Variants in CSMD1 observed in about 807,000 individuals in gnomAD.
CSMD1 encodes CUB and sushi domain-containing protein 1.
Under a neutral mutation model 417.5 loss-of-function variants are expected in CSMD1, and 213 were observed. That is an observed-to-expected ratio of 0.51 (90% CI 0.46 to 0.57). The LOEUF is 0.57. Among genes scored for constraint, CSMD1 ranks in the 20% least tolerant of loss-of-function variants. The pLI is 0.00. For synonymous variants in CSMD1, 2,862 were observed against 1,736.8 expected, an observed-to-expected ratio of 1.65 and a Z score of -16.11; for missense variants, 6,923 against 4,529.7, an observed-to-expected ratio of 1.53 and a Z score of -15.17.
intron 5 of CSMD1, among the ~76,000 whole-genome samples, chr8:3,808,546 G>T (rs1165432972): frequency 6.6e-6 from 1 of 152,196 alleles, no homozygotes; most frequent in African/African-American, 2.4e-5. Flanking sequence ...TGCAAAGTCT[G>T]TCTCTCTTTA....
intron 1 of CSMD1, among the ~76,000 whole-genome samples, chr8:4,948,487 A>G (rs1318304975): frequency 6.6e-6 from 1 of 151,944 alleles, no homozygotes; most frequent in Non-Finnish European, 1.5e-5. Flanking sequence ...GCATTTATTT[A>G]GATTGCATAA....
At chr8:3,131,965 G>T (rs1411934965) in intron 41 of CSMD1, among the ~76,000 whole-genome samples, 1 of 152,016 alleles carries the variant, frequency 6.6e-6, no homozygotes, top group Non-Finnish European at 1.5e-5. Flanking sequence ...TCTTAACAGG[G>T]GATGCAAATT....
chr8:3,357,457 C>G (rs1467198661), intron 21 of CSMD1, among the ~76,000 whole-genome samples: 1 of 152,230 alleles, frequency 6.6e-6, no homozygotes, highest in Non-Finnish European at 1.5e-5. Context: ...AGTGCCTAGT[C>G]TACCACACAC....
intron 49 of CSMD1, among the ~76,000 whole-genome samples, chr8:3,054,454 C>T (rs377607559): frequency 2.0e-5 from 3 of 152,132 alleles, no homozygotes; most frequent in Admixed American, 2.0e-4. Flanking sequence ...CCTGTCTCTA[C>T]CAAAAATACA....
chr8:3,609,342 G>C (rs79449002), intron 8 of CSMD1, among the ~76,000 whole-genome samples: 2,739 of 152,194 alleles, frequency 0.018, 79 homozygotes, highest in African/African-American at 0.062. Flanking sequence ...CAATCTTACT[G>C]ATAAATATTC....
chr8:4,982,827 G>A (rs1009201085), intron 1 of CSMD1, among the ~76,000 whole-genome samples: 7 of 152,132 alleles, frequency 4.6e-5, no homozygotes, highest in Non-Finnish European at 7.3e-5. Flanking sequence ...ACACCCTGAC[G>A]ACATGCCCCT....
At chr8:3,566,258 G>A (rs1799703532) in intron 10 of CSMD1, among the ~76,000 whole-genome samples, 1 of 152,084 alleles carries the variant, frequency 6.6e-6, no homozygotes. Context: ...AGGAGGAAGA[G>A]TTGAAGAAAA....
rs145477049 is a variant in CSMD1, at chr8:3,901,960, G to C, written c.818+95943C>G. Among the ~76,000 whole-genome samples the C allele has an allele frequency of 3.3e-3, 504 of 152,310 alleles. 1 individual carries two copies. Among genetic ancestry groups the C allele is most frequent in the Middle Eastern group, 0.014 (4 of 294 alleles). ...GACCAGACATGTATTTCAGTGCTTA[G>C]TATTGGCTTTAAATGGCTGTTTCTC... is the stretch of plus-strand genomic sequence containing the variant. On this transcript the variant is annotated intron_variant, in intron 5 of 69. Coordinates refer to ENST00000635120, the MANE Select transcript of CSMD1 (RefSeq NM_033225.6).
intron 50 of CSMD1, among the ~76,000 whole-genome samples, chr8:3,036,908 T>C (rs6983771): frequency 6.6e-6 from 1 of 152,034 alleles, no homozygotes; most frequent in Admixed American, 6.6e-5. Flanking sequence ...GGGATTTCAG[T>C]GCACCTGTCA....
intron 3 of CSMD1, among the ~76,000 whole-genome samples, chr8:4,140,816 C>T (rs898262551): frequency 2.6e-5 from 4 of 150,970 alleles, no homozygotes; most frequent in African/African-American, 7.4e-5. Flanking sequence ...TGTAAATGGG[C>T]TCAGCACCCT....
chr8:4,514,207 G>C (rs773582207), intron 2 of CSMD1, among the ~76,000 whole-genome samples: 1 of 152,266 alleles, frequency 6.6e-6, no homozygotes, highest in African/African-American at 2.4e-5. Context: ...TCATAAGGCA[G>C]AGTAGGGGAT....
chr8:3,440,774 T>TTTTTG (rs1206185860), intron 12 of CSMD1, among the ~76,000 whole-genome samples: 1 of 152,162 alleles, frequency 6.6e-6, no homozygotes, highest in Non-Finnish European at 1.5e-5. Context: ...TCTAAGTGTT[T>TTTTTG]TTTTGTTTTG....
intron 21 of CSMD1, among the ~76,000 whole-genome samples, chr8:3,349,839 CTAGATA>C (rs1808279629): frequency 1.5e-5 from 2 of 137,818 alleles, no homozygotes; most frequent in Non-Finnish European, 3.1e-5. Flanking sequence ...TATAATATAT[CTAGATA>C]TAAATATATA....
chr8:3,036,265 G>A (rs141317824), intron 50 of CSMD1, among the ~76,000 whole-genome samples: 12 of 152,314 alleles, frequency 7.9e-5, no homozygotes, highest in Non-Finnish European at 1.6e-4. Context: ...CAAGGGAAGT[G>A]AGATTACCAT....
chr8:3,963,075 T>C (rs1812436147), intron 5 of CSMD1, among the ~76,000 whole-genome samples: 1 of 152,012 alleles, frequency 6.6e-6, no homozygotes, highest in African/African-American at 2.4e-5. Flanking sequence ...AGATTACAGG[T>C]ATGCACAACC....
At chr8:3,801,545 G>T (rs760121223) in intron 5 of CSMD1, among the ~76,000 whole-genome samples, 12 of 152,060 alleles carry the variant, frequency 7.9e-5, no homozygotes, top group African/African-American at 1.2e-4. Context: ...TTAGAGATAT[G>T]CTGGAAGACA....
chr8:3,003,766 G>C (rs1345508345), intron 52 of CSMD1, among the ~76,000 whole-genome samples: 1 of 152,172 alleles, frequency 6.6e-6, no homozygotes, highest in African/African-American at 2.4e-5. Flanking sequence ...CTGAGGACCA[G>C]GACTCCTGGT....
chr8:2,958,795 T>G (rs563324370), intron 62 of CSMD1, among the ~76,000 whole-genome samples: 2 of 152,368 alleles, frequency 1.3e-5, no homozygotes, highest in East Asian at 3.9e-4. Flanking sequence ...TCTTGTTTCT[T>G]GCTCTGAGAA....
At chr8:4,665,475 C>T (rs1245668452) in intron 1 of CSMD1, among the ~76,000 whole-genome samples, 2 of 152,170 alleles carry the variant, frequency 1.3e-5, no homozygotes, top group Admixed American at 6.6e-5. Flanking sequence ...CACAAGCATT[C>T]CCAGCACACT....
Sources: gnomAD v4.1 joint callset for allele counts (sites outside exome capture counted in the v4.1 genomes callset) on GRCh38, gnomAD v4.1.1 for gene constraint, MANE v1.5 for transcripts, NCBI Gene and HGNC (gene_info 2026-07-23, HGNC 2026-07-21) for gene names.